Variants in C8B observed in about 807,000 individuals in gnomAD.
The protein encoded by C8B is complement C8 beta chain.
In C8B, 67 loss-of-function variants were observed where a neutral mutation model predicts 64.6. The observed-to-expected ratio is 1.04, with a 90% CI of 0.85 to 1.27. The LOEUF is 1.27. Ranked by LOEUF, C8B falls within the 50% of genes most tolerant of loss-of-function variation. The pLI, the probability that C8B is intolerant of heterozygous loss-of-function variation, is 0.00. For synonymous variants in C8B, 284 were observed against 257.7 expected (o/e 1.10, Z -0.98); for missense variants, 790 against 725.2 (o/e 1.09, Z -1.03).
At chr1:56,934,565 C>T (rs1644749216) in intron 9 of C8B, among the ~76,000 whole-genome samples, 1 of 152,190 alleles carries the variant, frequency 6.6e-6, no homozygotes, top group African/African-American at 2.4e-5. Context: ...TGCCCTAATC[C>T]TGCCCTGGAG....
Position 56,931,872 on chromosome 1 carries a change from C to T in C8B, c.1559G>A (p.Arg520His), listed in dbSNP as rs779852251. ...TCCAACAGGACAGATGCAGTCACAG[C>T]GTGATCCTGAGAAGACAAGGCAGAG... Reference protein sequence around the residue: ...GNGVPVLKGSRCDCICPVGSQ... With the variant: ...GNGVPVLKGSHCDCICPVGSQ... The change falls in exon 11 of 12, where the codon CGC becomes CAC. Residue 520 changes from arginine (R) to histidine (H), a missense_variant. Arg to His is a conservative substitution (Grantham distance 29). Coordinates refer to ENST00000371237, the MANE Select transcript of C8B (RefSeq NM_000066.4). 23 of 1,611,270 alleles carry T rather than the reference C, an allele frequency of 1.4e-5. No individual in the cohort carries two copies. Among genetic ancestry groups the T allele is most frequent in the East Asian group, 1.1e-4 (5 of 44,850 alleles).
intron 11 of C8B, among the ~76,000 whole-genome samples, chr1:56,930,577 G>A (rs762118856): frequency 1.3e-5 from 2 of 152,128 alleles, no homozygotes; most frequent in South Asian, 2.1e-4. Context: ...GTTTTACTGG[G>A]AACATAAGAG....
chr1:56,929,693 C>T, intron 11 of C8B, 135 bp from the exon 12 acceptor site: 2 of 816,282 alleles, frequency 2.5e-6, no homozygotes, highest in Non-Finnish European at 4.1e-6. Context: ...ATTTTCCTGG[C>T]CATTGTACTT....
intron 10 of C8B, 55 bp from the exon 11 acceptor site, chr1:56,931,933 C>T: frequency 7.8e-7 from 1 of 1,275,930 alleles, no homozygotes; most frequent in South Asian, 1.2e-5. Context: ...CAAAGAACTC[C>T]TGGAGCTCAG....
At chr1:56,940,768 A>G in intron 9 of C8B, 81 bp downstream of exon 9, 3 of 1,536,856 alleles carry the variant, frequency 2.0e-6, no homozygotes, top group Non-Finnish European at 1.8e-6. Flanking sequence ...TGATCTCTGC[A>G]TTTTATACCT....
At chr1:56,949,527 C>A (rs706481) in intron 6 of C8B, 28 bp downstream of exon 6, 3 of 1,578,524 alleles carry the variant, frequency 1.9e-6, no homozygotes, top group Middle Eastern at 1.7e-4. Flanking sequence ...ACAACATATA[C>A]GTTTAAAAGC....
rs1213977976 is a variant in C8B, at chr1:56,929,569, GA to G, written c.1622-12del. Reference sequence around the variant, plus strand: ...CATCAATGGGGGTATCTATAAGAAAGAAGGTCAATAAGCATCAATCAGCACT... The same window carrying G: ...CATCAATGGGGGTATCTATAAGAAAGAGGTCAATAAGCATCAATCAGCACT... On this transcript the variant is annotated splice_polypyrimidine_tract_variant and intron_variant, in intron 11 of 11. Transcript: ENST00000371237. 3 of 1,613,204 alleles carry G rather than the reference GA, an allele frequency of 1.9e-6. No individual in the cohort carries two copies. In the African/African-American group the frequency reaches 4.0e-5, roughly 22 times the overall value.
At chr1:56,934,509 T>G (rs916857370) in intron 9 of C8B, among the ~76,000 whole-genome samples, 2 of 152,174 alleles carry the variant, frequency 1.3e-5, no homozygotes, top group African/African-American at 4.8e-5. Context: ...TTGGTTCAAG[T>G]TGCAACTCCA....
Position 56,949,556 on chromosome 1 carries a change from G to C in C8B, c.863C>G (p.Thr288Ser). The change falls in exon 6 of 12, where the codon ACT becomes AGT. Residue 288 changes from threonine (T) to serine (S), a missense_variant and splice_region_variant. Transcript: ENST00000371237. ...YIRRTKRFSHTKSVFLHARSD... is the reference protein window; with the variant it reads ...YIRRTKRFSHSKSVFLHARSD... ...TAAAAGCAACAAAGACATACTTACA[G>C]TATGAGAGAATCGTTTGGTTCTCCT... 6.2e-7 allele frequency: 1 copy of C among 1,612,604 alleles called. No homozygotes were observed. Among genetic ancestry groups the C allele is most frequent in the Non-Finnish European group, 8.5e-7 (1 of 1,178,686 alleles).
At chr1:56,959,925 A>T in intron 2 of C8B, 95 bp downstream of exon 2, 1 of 1,374,688 alleles carries the variant, frequency 7.3e-7, no homozygotes, top group Non-Finnish European at 1.0e-6. Context: ...TTGAGGGCCA[A>T]CTATGTGCCA....
At chr1:56,941,084 CA>C in intron 8 of C8B, 72 bp from the exon 9 acceptor site, 1 of 1,529,294 alleles carries the variant, frequency 6.5e-7, no homozygotes. Context: ...GCAACCCAAC[CA>C]ACAATTTGGG....
chr1:56,960,634 T>G (rs1384422607), intron 1 of C8B, among the ~76,000 whole-genome samples: 1 of 152,148 alleles, frequency 6.6e-6, no homozygotes, highest in Non-Finnish European at 1.5e-5. Flanking sequence ...GCAGTCCCAC[T>G]GAGTGGTATA....
At chr1:56,964,135 GAGA>G (rs1349736333) in intron 1 of C8B, 10 of 283,584 alleles carry the variant, frequency 3.5e-5, no homozygotes, top group African/African-American at 4.6e-5. Flanking sequence ...CTTACATAGC[GAGA>G]AGGAGAGATT....
chr1:56,938,934 T>C (rs1407199650), intron 9 of C8B, among the ~76,000 whole-genome samples: 1 of 152,098 alleles, frequency 6.6e-6, no homozygotes, highest in African/African-American at 2.4e-5. Context: ...AGAGTGTATA[T>C]TTCCAACTCA....
chr1:56,933,752 C>G (rs1331133098), intron 9 of C8B, among the ~76,000 whole-genome samples: 1 of 152,032 alleles, frequency 6.6e-6, no homozygotes, highest in Non-Finnish European at 1.5e-5. Flanking sequence ...AGATAAAATC[C>G]CTACTCTCAA....
At chr1:56,942,830 G>A (rs989608094) in intron 8 of C8B, among the ~76,000 whole-genome samples, 12 of 152,058 alleles carry the variant, frequency 7.9e-5, no homozygotes, top group African/African-American at 2.9e-4. Flanking sequence ...AGCACTTTGA[G>A]GGTACCGAGG....
At position 56,949,704 on chromosome 1, in the gene C8B, C is replaced by T. The variant is rs1395084147; in HGVS notation, c.715G>A (p.Asp239Asn). The T allele has an allele frequency of 6.2e-7, 1 of 1,613,868 alleles. No homozygotes were observed. The highest frequency in any genetic ancestry group is 1.7e-5 in the Admixed American group (1 of 60,002). The change falls in exon 6 of 12, where the codon GAT becomes AAT. Residue 239 changes from aspartate to asparagine, a missense_variant. Physicochemically the swap from Asp to Asn is conservative, Grantham distance 23. Transcript: ENST00000371237. ...TTCTCTGTGACATTGCGTTCAAAAT[C>T]TGAGTATGATTCATACTCTTTTAAT... The part of the protein sequence containing the change: ...FILKEYESYS[D>N]FERNVTEKMA...
chr1:56,934,164 CT>C (rs60467453), intron 9 of C8B, among the ~76,000 whole-genome samples: 5 of 143,436 alleles, frequency 3.5e-5, no homozygotes, highest in Non-Finnish European at 7.5e-5. Context: ...GTGCAGGGTC[CT>C]TTTTTTTTTT....
chr1:56,942,745 G>T (rs1021685565), intron 8 of C8B, among the ~76,000 whole-genome samples: 1 of 151,794 alleles, frequency 6.6e-6, no homozygotes, highest in African/African-American at 2.4e-5. Flanking sequence ...TCAAGTCTGA[G>T]CCTGCAACAC....
Sources: gnomAD v4.1 joint callset for allele counts (sites outside exome capture counted in the v4.1 genomes callset) on GRCh38, gnomAD v4.1.1 for gene constraint, MANE v1.5 for transcripts, NCBI Gene and HGNC (gene_info 2026-07-23, HGNC 2026-07-21) for gene names.